Variants in SETX observed in about 807,000 individuals in gnomAD.
The protein encoded by SETX is helicase senataxin.
Under a neutral mutation model 227.2 loss-of-function variants are expected in SETX, and 90 were observed. That is an observed-to-expected ratio of 0.40 (90% CI 0.33 to 0.47). SETX has a LOEUF of 0.47. SETX is among the 20% of genes least tolerant of loss of function. The pLI is 0.91. For missense variants in SETX, 3,052 were observed against 3,181.5 expected (o/e 0.96, Z 0.98); for synonymous variants, 1,210 against 1,113.2 (o/e 1.09, Z -1.73).
chr9:132,312,429 T>C (rs1232816736), intron 10 of SETX, among the ~76,000 whole-genome samples: 1 of 152,218 alleles, frequency 6.6e-6, no homozygotes, highest in Non-Finnish European at 1.5e-5. Flanking sequence ...ACTACTAGTA[T>C]AAAAAAGTCA....
At chr9:132,271,974 C>T (rs1842927743) in intron 23 of SETX, among the ~76,000 whole-genome samples, 166 bp from the exon 24 acceptor site, 1 of 151,798 alleles carries the variant, frequency 6.6e-6, no homozygotes, top group African/African-American at 2.4e-5. Flanking sequence ...GCTCTGCCTC[C>T]CGGGTTCACG....
In SETX at chr9:132,328,918, T is replaced by G; in HGVS notation, c.2680A>C (p.Lys894Gln). 2 of 1,613,464 alleles carry G rather than the reference T, an allele frequency of 1.2e-6. No homozygotes were observed. Among genetic ancestry groups the G allele is most frequent in the Non-Finnish European group, 1.7e-6 (2 of 1,179,838 alleles). Residue 894 changes from lysine to glutamine, a missense_variant, in exon 10 of 26, where the codon AAA (lysine) becomes CAA (glutamine). Physicochemically the swap from Lys to Gln is moderately conservative, Grantham distance 53 (BLOSUM62 1). Coordinates refer to ENST00000224140, the MANE Select transcript of SETX (RefSeq NM_015046.7). Reference sequence around the variant, plus strand: ...ATTTCTGTAAAAGGGATCAATTCTTTACCATCAACATGAAATTCCTGTATT... The same window carrying G: ...ATTTCTGTAAAAGGGATCAATTCTTGACCATCAACATGAAATTCCTGTATT... ...CKIQEFHVDG[K>Q]ELIPFTEMTN... is the part of the protein sequence containing the mutation.
Position 132,329,108 on chromosome 9 carries a change from T to G in SETX, c.2490A>C (p.Gly830=), listed in dbSNP as rs751429987. The G allele has an allele frequency of 2.5e-5, 40 of 1,609,914 alleles. No individual in the cohort carries two copies. In the Admixed American group the frequency reaches 5.7e-4, roughly 23 times the overall value. ...GTATGAAACCATCTCCTTTCTGAAC[T>G]CCTGTATCTTTCCTTGAATAGAAAC... ...IESFYSRKDT[G]VQKGDGFIHN... Residue 830 remains glycine, a synonymous_variant, in exon 10 of 26, where the codon GGA becomes GGC. Coordinates refer to ENST00000224140, the MANE Select transcript of SETX (RefSeq NM_015046.7).
chr9:132,343,241 C>T (rs1033609007), intron 4 of SETX, among the ~76,000 whole-genome samples: 1 of 152,160 alleles, frequency 6.6e-6, no homozygotes, highest in African/African-American at 2.4e-5. Context: ...ATCGCTTGAA[C>T]CCAGGAGGTG....
intron 11 of SETX, among the ~76,000 whole-genome samples, chr9:132,309,601 G>A (rs1351226408): frequency 6.6e-6 from 1 of 152,066 alleles, no homozygotes; most frequent in East Asian, 1.9e-4. Context: ...ACTTCAGAAG[G>A]CTGATGACAC....
At chr9:132,312,657 G>C (rs79071892) in intron 10 of SETX, among the ~76,000 whole-genome samples, 2,149 of 152,236 alleles carry the variant, frequency 0.014, 25 homozygotes, top group Middle Eastern at 0.02. Context: ...ATGGACAGGG[G>C]AACAAAACAA....
At chr9:132,312,327 C>T (rs142304305) in intron 10 of SETX, among the ~76,000 whole-genome samples, 1,666 of 152,248 alleles carry the variant, frequency 0.011, 16 homozygotes, top group Non-Finnish European at 0.018. Context: ...ATGCTCTATA[C>T]CCATCTCCCA....
chr9:132,353,813 T>C (rs901953033), intron 1 of SETX, 58 bp from the exon 2 acceptor site: 1 of 152,180 alleles, frequency 6.6e-6, no homozygotes, highest in Non-Finnish European at 1.5e-5. Flanking sequence ...CTATATCCCA[T>C]CTGAGCCTGG....
intron 5 of SETX, among the ~76,000 whole-genome samples, chr9:132,339,900 T>A (rs4350091): frequency 1.3e-5 from 2 of 152,170 alleles, no homozygotes; most frequent in Non-Finnish European, 2.9e-5. Flanking sequence ...CAGGAATGAG[T>A]CACCGTGCCC....
intron 11 of SETX, among the ~76,000 whole-genome samples, chr9:132,302,681 C>CAAAAAAAAAA (rs57673567): frequency 2.5e-5 from 2 of 78,512 alleles, no homozygotes; most frequent in Non-Finnish European, 2.9e-5. Flanking sequence ...AAAAAAAAAG[C>CAAAAAAAAAA]AAAAAAAAAA....
intron 10 of SETX, among the ~76,000 whole-genome samples, chr9:132,316,359 C>T (rs1427471018): frequency 6.6e-6 from 1 of 152,152 alleles, no homozygotes; most frequent in African/African-American, 2.4e-5. Flanking sequence ...TAATCTCTTG[C>T]CAGTTTAGGA....
In SETX at chr9:132,318,914, T is replaced by C. The variant is rs116919631; in HGVS notation, c.5275-7058A>G. On this transcript the variant is annotated intron_variant, in intron 10 of 25. Coordinates refer to ENST00000224140, the MANE Select transcript of SETX (RefSeq NM_015046.7). ...AATTCTAGTCTGCTCTACTTACTAT[T>C]TCCTTCCCATCCCAAGAACCCAATC... is the stretch of plus-strand genomic sequence containing the variant. Among the ~76,000 whole-genome samples the C allele has an allele frequency of 3.2e-4, 49 of 152,282 alleles. 1 individual carries two copies. The East Asian group carries it at 9.5e-3, about 29-fold the overall frequency.
intron 21 of SETX, 65 bp from the exon 22 acceptor site, chr9:132,277,217 T>G: frequency 1.4e-6 from 2 of 1,449,016 alleles, no homozygotes; most frequent in Non-Finnish European, 1.9e-6. Flanking sequence ...TATCTTGGTA[T>G]TACTACAATT....
intron 9 of SETX, 39 bp downstream of exon 9, chr9:132,331,013 G>A (rs1242837550): frequency 1.4e-6 from 2 of 1,414,232 alleles, no homozygotes; most frequent in South Asian, 1.1e-5. Flanking sequence ...CAATATAAAG[G>A]CAATAAAATA....
chr9:132,285,489 G>A (rs1024830022), intron 18 of SETX, among the ~76,000 whole-genome samples: 3 of 152,084 alleles, frequency 2.0e-5, no homozygotes, highest in Admixed American at 6.5e-5. Context: ...GCTCACGCCT[G>A]TAATGCCAAC....
At chr9:132,353,972 G>C (rs1848742345) in intron 1 of SETX, among the ~76,000 whole-genome samples, 1 of 152,178 alleles carries the variant, frequency 6.6e-6, no homozygotes, top group Non-Finnish European at 1.5e-5. Flanking sequence ...GGGACAGCTA[G>C]GCACCGAGCC....
upstream of SETX, among the ~76,000 whole-genome samples, chr9:132,356,515 AGTAAC>A (rs921815019): frequency 6.6e-6 from 1 of 152,040 alleles, no homozygotes; most frequent in Non-Finnish European, 1.5e-5. Context: ...ACCCCCTTTT[AGTAAC>A]GCCTACTACT....
intron 11 of SETX, among the ~76,000 whole-genome samples, chr9:132,308,990 T>G (rs1318416312): frequency 6.6e-6 from 1 of 151,956 alleles, no homozygotes; most frequent in Non-Finnish European, 1.5e-5. Flanking sequence ...ATACAAAAAT[T>G]TGCCAGGCAT....
At chr9:132,344,822 C>A (rs1417047351) in intron 4 of SETX, among the ~76,000 whole-genome samples, 1 of 148,112 alleles carries the variant, frequency 6.8e-6, no homozygotes, top group Non-Finnish European at 1.5e-5. Context: ...GTGCAGTGAG[C>A]CAAGATCCTG....
Sources: gnomAD v4.1 joint callset for allele counts (sites outside exome capture counted in the v4.1 genomes callset) on GRCh38, gnomAD v4.1.1 for gene constraint, MANE v1.5 for transcripts, NCBI Gene and HGNC (gene_info 2026-07-23, HGNC 2026-07-21) for gene names.